The following EGFLAM variants were observed in gnomAD, a reference collection of about 807,000 sequenced individuals.
The protein encoded by EGFLAM is EGF like, fibronectin type III and laminin G domains, also known as pikachurin.
In EGFLAM, 79 loss-of-function variants were observed where a neutral mutation model predicts 113.1. That is an observed-to-expected ratio of 0.70 (90% CI 0.58 to 0.84). EGFLAM has a LOEUF of 0.84. EGFLAM is among the 40% of genes least tolerant of loss of function. The probability of loss-of-function intolerance (pLI) is 0.00; values close to 1 mark genes in which losing one functional copy is unlikely to be tolerated. For synonymous variants in EGFLAM, 504 were observed against 487.6 expected (o/e 1.03, Z -0.44); for missense variants, 1,265 against 1,291.6 (o/e 0.98, Z 0.32).
At chr5:38,432,368 C>T (rs539042411) in intron 15 of EGFLAM, among the ~76,000 whole-genome samples, 13 of 151,844 alleles carry the variant, frequency 8.6e-5, no homozygotes, top group South Asian at 2.1e-4. Flanking sequence ...GGTGGGAGGA[C>T]GAATTGGAAC....
At chr5:38,417,346 TCAAAAAAAAAAAAAAAAAAAAAA>T (rs1216240103) in intron 11 of EGFLAM, among the ~76,000 whole-genome samples, 1 of 21,294 alleles carries the variant, frequency 4.7e-5, no homozygotes, top group East Asian at 1.6e-3. Flanking sequence ...AGACTCTGTC[TCAAAAAAAAAAAAAAAAAAAAAA>T]CAAAAAAAAA....
At chr5:38,435,806 C>CT (rs60461690) in intron 16 of EGFLAM, among the ~76,000 whole-genome samples, 1,006 of 88,916 alleles carry the variant, frequency 0.011, 82 homozygotes, top group East Asian at 0.018. Context: ...CCGGCTCTCT[C>CT]TTTTTTTTTT....
intron 1 of EGFLAM, among the ~76,000 whole-genome samples, chr5:38,276,996 T>A (rs1453415700): frequency 1.3e-5 from 2 of 152,154 alleles, no homozygotes; most frequent in Admixed American, 1.3e-4. Flanking sequence ...AAAGAAGAAC[T>A]AATACCTATT....
At chr5:38,417,181 G>A (rs186268306) in intron 11 of EGFLAM, among the ~76,000 whole-genome samples, 35 of 151,840 alleles carry the variant, frequency 2.3e-4, no homozygotes, top group Non-Finnish European at 4.3e-4. Context: ...GTGAAACCTC[G>A]TTTCTAAAAA....
chr5:38,461,854 T>TGTGG (rs1743284930), intron 20 of EGFLAM, among the ~76,000 whole-genome samples: 1 of 152,176 alleles, frequency 6.6e-6, no homozygotes, highest in South Asian at 2.1e-4. Flanking sequence ...TTTAGGGCTC[T>TGTGG]GTGGGTCCTT....
At chr5:38,420,693 G>C (rs559026798) in intron 12 of EGFLAM, among the ~76,000 whole-genome samples, 3 of 152,102 alleles carry the variant, frequency 2.0e-5, no homozygotes, top group African/African-American at 7.2e-5. Flanking sequence ...TTCTTCAGGG[G>C]AACAGCCCTG....
intron 1 of EGFLAM, among the ~76,000 whole-genome samples, chr5:38,302,185 C>G (rs924990940): frequency 6.8e-6 from 1 of 148,088 alleles, no homozygotes; most frequent in Non-Finnish European, 1.5e-5. Context: ...TGCAGTGAGC[C>G]GAGATAGTGC....
At chr5:38,389,137 T>C (rs1432448106) in intron 6 of EGFLAM, among the ~76,000 whole-genome samples, 1 of 152,116 alleles carries the variant, frequency 6.6e-6, no homozygotes, top group African/African-American at 2.4e-5. Context: ...GGGTGTTAAT[T>C]TGAATTGTAG....
intron 6 of EGFLAM, among the ~76,000 whole-genome samples, chr5:38,378,708 G>A (rs749303587): frequency 2.6e-5 from 4 of 152,152 alleles, no homozygotes; most frequent in Non-Finnish European, 5.9e-5. Flanking sequence ...GAATCTGGCC[G>A]GCAAGTCTGG....
chr5:38,441,951 T>G (rs1463067669), intron 17 of EGFLAM, among the ~76,000 whole-genome samples: 2 of 152,086 alleles, frequency 1.3e-5, no homozygotes, highest in Non-Finnish European at 2.9e-5. Context: ...ACAGAGCCAA[T>G]AGCTGTTGAG....
In EGFLAM at chr5:38,383,693, A is replaced by G. The variant is rs111915340; in HGVS notation, c.712+13231A>G. On this transcript the variant is annotated intron_variant, in intron 6 of 21. Coordinates refer to ENST00000322350, the MANE Select transcript of EGFLAM (RefSeq NM_152403.4). Reference sequence around the variant, plus strand: ...TATCACATTATATTACATAAATAATATCATCAGTAATGATAAGTGTCAAGA... The same window carrying G: ...TATCACATTATATTACATAAATAATGTCATCAGTAATGATAAGTGTCAAGA... Among the ~76,000 whole-genome samples, 555 of 152,326 alleles carry G rather than the reference A, an allele frequency of 3.6e-3. 1 individual carries two copies. Among genetic ancestry groups the G allele is most frequent in the Middle Eastern group, 0.024 (7 of 294 alleles).
At position 38,338,718 on chromosome 5, in the gene EGFLAM, C is replaced by A. The variant is rs142461042; in HGVS notation, c.228C>A (p.Gly76=). The change falls in exon 3 of 22, where the codon GGC becomes GGA. Residue 76 remains glycine (G), a synonymous_variant. Transcript: ENST00000322350. Reference sequence around the variant, plus strand: ...TCAAGGTCTTTTACTCTGAGGTTGGCGCAGATAAATCCCTGCAGGAGCAGT... The same window carrying A: ...TCAAGGTCTTTTACTCTGAGGTTGGAGCAGATAAATCCCTGCAGGAGCAGT... The part of the protein sequence containing the change: ...LGYTVFYSEV[G]ADKSLQEQLH... 31 of 1,614,200 alleles carry A rather than the reference C, an allele frequency of 1.9e-5. No homozygotes were observed. Among genetic ancestry groups the A allele is most frequent in the Non-Finnish European group, 2.5e-5 (30 of 1,180,026 alleles).
chr5:38,355,233 G>T (rs1436193120), intron 5 of EGFLAM, among the ~76,000 whole-genome samples: 1 of 152,180 alleles, frequency 6.6e-6, no homozygotes, highest in Non-Finnish European at 1.5e-5. Context: ...GAAACCCACA[G>T]AATTCTTCTC....
intron 1 of EGFLAM, among the ~76,000 whole-genome samples, chr5:38,289,364 C>T (rs1758252594): frequency 6.6e-6 from 1 of 151,214 alleles, no homozygotes; most frequent in Non-Finnish European, 1.5e-5. Context: ...TTCAGTGTTT[C>T]TGATTCATAC....
chr5:38,448,775 G>T (rs761950755), intron 18 of EGFLAM, among the ~76,000 whole-genome samples: 2 of 152,198 alleles, frequency 1.3e-5, no homozygotes, highest in Admixed American at 6.5e-5. Flanking sequence ...CTGTGCCGTG[G>T]CCAGAGTGTG....
chr5:38,356,626 C>T (rs1035202839), intron 5 of EGFLAM, among the ~76,000 whole-genome samples: 8 of 152,314 alleles, frequency 5.3e-5, no homozygotes, highest in Non-Finnish European at 1.0e-4. Flanking sequence ...GAAGCTTAGA[C>T]CCAGCCTGCC....
chr5:38,261,582 CA>C (rs1757502378), intron 1 of EGFLAM, among the ~76,000 whole-genome samples: 1 of 152,142 alleles, frequency 6.6e-6, no homozygotes, highest in Non-Finnish European at 1.5e-5. Flanking sequence ...ACTGTGTTTG[CA>C]GAGGTGTGTA....
At chr5:38,340,307 G>A (rs950999510) in intron 3 of EGFLAM, among the ~76,000 whole-genome samples, 2 of 152,152 alleles carry the variant, frequency 1.3e-5, no homozygotes. Context: ...CTTGAAAGGG[G>A]TGTAATAATT....
chr5:38,294,228 A>C (rs34038375), intron 1 of EGFLAM, among the ~76,000 whole-genome samples: 1 of 151,944 alleles, frequency 6.6e-6, no homozygotes, highest in Non-Finnish European at 1.5e-5. Context: ...AGGGGGCATC[A>C]GTTTCTCATG....
Sources: gnomAD v4.1 joint callset for allele counts (sites outside exome capture counted in the v4.1 genomes callset) on GRCh38, gnomAD v4.1.1 for gene constraint, MANE v1.5 for transcripts, NCBI Gene and HGNC (gene_info 2026-07-23, HGNC 2026-07-21) for gene names.